DACH2: variants seen among roughly 807,000 people sequenced by gnomAD.
DACH2 encodes the protein dachshund homolog 2.
A neutral mutation model predicts 35.8 loss-of-function variants in DACH2; 17 were observed. The observed-to-expected ratio is 0.48, with a 90% CI of 0.33 to 0.71. The LOEUF (loss-of-function observed/expected upper bound fraction) is 0.71, where lower values mean the gene tolerates loss of function less well. Among genes scored for constraint, DACH2 ranks in the 30% least tolerant of loss-of-function variants. DACH2 has a pLI of 0.02. For synonymous variants in DACH2, 195 were observed against 177.3 expected (o/e 1.10, Z -0.79); for missense variants, 469 against 472.7 (o/e 0.99, Z 0.07).
intron 1 of DACH2, among the ~76,000 whole-genome samples, chrX:86,207,219 CA>C (rs2032333971): frequency 9.0e-6 from 1 of 111,378 alleles, no homozygotes; most frequent in South Asian, 3.7e-4. Context: ...TTTTGTGTTT[CA>C]GGCCACTCTT....
intron 1 of DACH2, among the ~76,000 whole-genome samples, chrX:86,280,723 C>A (rs1209034860): frequency 1.8e-5 from 2 of 111,678 alleles, no homozygotes; most frequent in African/African-American, 3.3e-5. Flanking sequence ...CATGCGAAGA[C>A]ACACATACAC....
intron 1 of DACH2, among the ~76,000 whole-genome samples, chrX:86,175,976 G>A (rs919615008): frequency 6.3e-5 from 7 of 111,517 alleles, no homozygotes; most frequent in African/African-American, 1.3e-4. Flanking sequence ...CATTAAGGTC[G>A]TGGTCATAAA....
At chrX:86,603,880 C>A (rs1014495871) in intron 3 of DACH2, among the ~76,000 whole-genome samples, 2 of 111,178 alleles carry the variant, frequency 1.8e-5, no homozygotes, top group African/African-American at 6.5e-5. Context: ...AACTAACTTT[C>A]TATTTGACTT....
At chrX:86,340,020 TAA>T (rs1216460110) in intron 1 of DACH2, among the ~76,000 whole-genome samples, 2 of 112,046 alleles carry the variant, frequency 1.8e-5, no homozygotes, top group African/African-American at 6.5e-5. Flanking sequence ...AAATATTTTT[TAA>T]AAAGCTTTTG....
At chrX:86,629,709 C>A (rs2040177152) in intron 3 of DACH2, among the ~76,000 whole-genome samples, 1 of 104,464 alleles carries the variant, frequency 9.6e-6, no homozygotes, top group Non-Finnish European at 2.0e-5. Flanking sequence ...ATGGTGAAAC[C>A]CTATCTCTGC....
intron 2 of DACH2, among the ~76,000 whole-genome samples, chrX:86,460,356 C>T (rs145833680): frequency 0.014 from 1,567 of 110,491 alleles, 30 homozygotes; most frequent in African/African-American, 0.047. Context: ...TATGTTTTCT[C>T]TGAACATTCA....
chrX:86,529,414 T>C (rs925383699), intron 3 of DACH2, among the ~76,000 whole-genome samples: 1 of 109,702 alleles, frequency 9.1e-6, no homozygotes, highest in African/African-American at 3.3e-5. Context: ...CCCCCTCCTG[T>C]ATTCATACCC....
chrX:86,473,088 A>G (rs985976012), intron 2 of DACH2, among the ~76,000 whole-genome samples: 1 of 111,855 alleles, frequency 8.9e-6, no homozygotes, highest in Admixed American at 9.5e-5. Context: ...TTATACAGGC[A>G]TGCAATGCGT....
intron 5 of DACH2, among the ~76,000 whole-genome samples, chrX:86,706,900 A>G (rs1350212436): frequency 1.8e-5 from 2 of 111,132 alleles, no homozygotes; most frequent in Non-Finnish European, 3.8e-5. Flanking sequence ...AAAAGGATAA[A>G]GAGATAAAAT....
intron 1 of DACH2, among the ~76,000 whole-genome samples, chrX:86,364,826 G>GA (rs1181415973): frequency 7.2e-5 from 8 of 111,290 alleles, no homozygotes; most frequent in South Asian, 3.7e-4. Context: ...AAACTTTAGG[G>GA]AAAAAAATAC....
At chrX:86,287,596 T>C (rs911212025) in intron 1 of DACH2, among the ~76,000 whole-genome samples, 1 of 111,778 alleles carries the variant, frequency 8.9e-6, no homozygotes, top group Non-Finnish European at 1.9e-5. Flanking sequence ...CTTTTATCTC[T>C]TCTGACTGTG....
chrX:86,312,745 G>A (rs1421395026), intron 1 of DACH2, among the ~76,000 whole-genome samples: 1 of 111,657 alleles, frequency 9.0e-6, no homozygotes, highest in African/African-American at 3.3e-5. Context: ...TTCAGTTTTG[G>A]GACTTGGACT....
chrX:86,156,047 A>C (rs1946546273), intron 1 of DACH2, among the ~76,000 whole-genome samples: 2 of 111,280 alleles, frequency 1.8e-5, no homozygotes, highest in African/African-American at 6.5e-5. Flanking sequence ...TCCTTCTTCA[A>C]CACTAAATTT....
At chrX:86,297,094 A>C (rs2034481026) in intron 1 of DACH2, among the ~76,000 whole-genome samples, 1 of 106,816 alleles carries the variant, frequency 9.4e-6, no homozygotes, top group Non-Finnish European at 1.9e-5. Flanking sequence ...AACACAATGA[A>C]AAACATTACA....
At chrX:86,243,634 G>A (rs931802499) in intron 1 of DACH2, among the ~76,000 whole-genome samples, 2 of 111,318 alleles carry the variant, frequency 1.8e-5, no homozygotes, top group Non-Finnish European at 3.8e-5. Context: ...TATTTTCTTT[G>A]TTGTTATCAC....
chrX:86,491,228 C>T (rs911977574), intron 2 of DACH2, among the ~76,000 whole-genome samples: 12 of 111,706 alleles, frequency 1.1e-4, no homozygotes, highest in African/African-American at 3.6e-4. Context: ...AATGCTTTTA[C>T]GCCAGATATT....
chrX:86,375,265 A>T (rs1175416910), intron 1 of DACH2, among the ~76,000 whole-genome samples: 2 of 105,739 alleles, frequency 1.9e-5, no homozygotes, highest in Non-Finnish European at 3.9e-5. Context: ...GTCTAAGTTT[A>T]ACCTATGAAA....
chrX:86,420,675 A>G (rs2036787143), intron 2 of DACH2, among the ~76,000 whole-genome samples: 1 of 111,695 alleles, frequency 9.0e-6, no homozygotes, highest in Admixed American at 9.6e-5. Context: ...CATCTAAAGT[A>G]TATTGCTTAA....
At chrX:86,471,615 G>A (rs1289146258) in intron 2 of DACH2, among the ~76,000 whole-genome samples, 3 of 111,179 alleles carry the variant, frequency 2.7e-5, no homozygotes, top group Non-Finnish European at 3.8e-5. Context: ...GGGGTGCAGT[G>A]TTTTTCCTGA....
Sources: gnomAD v4.1 joint callset for allele counts (sites outside exome capture counted in the v4.1 genomes callset) on GRCh38, gnomAD v4.1.1 for gene constraint, MANE v1.5 for transcripts, NCBI Gene and HGNC (gene_info 2026-07-23, HGNC 2026-07-21) for gene names.